Variants in STN1 observed in about 807,000 individuals in gnomAD.
STN1 encodes the protein STN1 subunit of CST complex.
In STN1, 29 loss-of-function variants were observed where a neutral mutation model predicts 45.5. The observed-to-expected ratio is 0.64, with a 90% CI of 0.47 to 0.87. STN1 has a LOEUF of 0.87. Ranked by LOEUF, STN1 falls within the 40% of genes least tolerant of loss-of-function variation. The pLI is 0.00. For synonymous variants in STN1, 148 were observed against 159.0 expected, an observed-to-expected ratio of 0.93 and a Z score of 0.52; for missense variants, 376 against 441.4, an observed-to-expected ratio of 0.85 and a Z score of 1.33.
At chr10:103,893,672 G>C (rs976360783) in intron 7 of STN1, among the ~76,000 whole-genome samples, 1 of 152,160 alleles carries the variant, frequency 6.6e-6, no homozygotes, top group Non-Finnish European at 1.5e-5. Context: ...TCCTCAAGGG[G>C]AGAGGAAAGA....
chr10:103,903,699 G>C (rs530215087), intron 4 of STN1, among the ~76,000 whole-genome samples: 85 of 152,130 alleles, frequency 5.6e-4, no homozygotes, highest in Non-Finnish European at 1.1e-3. Flanking sequence ...CTGGCCTCCA[G>C]AACTATGAGA....
intron 2 of STN1, among the ~76,000 whole-genome samples, chr10:103,915,951 G>A (rs964701605): frequency 4.6e-5 from 7 of 151,916 alleles, no homozygotes; most frequent in African/African-American, 1.5e-4. Context: ...ATGTAATGCC[G>A]CTGCTGATGT....
intron 4 of STN1, among the ~76,000 whole-genome samples, chr10:103,904,844 T>C (rs1358107947): frequency 6.6e-6 from 1 of 152,208 alleles, no homozygotes; most frequent in African/African-American, 2.4e-5. Flanking sequence ...CCCTGTAACC[T>C]ATTCACATTC....
chr10:103,892,887 C>T (rs1382653083), intron 7 of STN1, among the ~76,000 whole-genome samples: 1 of 152,148 alleles, frequency 6.6e-6, no homozygotes, highest in Non-Finnish European at 1.5e-5. Context: ...ACACGTTTGC[C>T]TGGGGAGGGT....
rs1193716191 is a variant in STN1, at chr10:103,881,155, A to G, written c.*1529T>C. Among the ~76,000 whole-genome samples, 1 of 152,014 alleles carries G rather than the reference A, an allele frequency of 6.6e-6. No individual in the cohort carries two copies. Among genetic ancestry groups the G allele is most frequent in the African/African-American group, 2.4e-5 (1 of 41,372 alleles). On this transcript the variant is annotated 3_prime_UTR_variant, in exon 10 of 10. Coordinates refer to ENST00000224950, the MANE Select transcript of STN1 (RefSeq NM_024928.5). Reference sequence around the variant, plus strand: ...CGTAATTAACTTTTTCCCTATAGGTATTTTCCCCAATATAGAATTCTAGAT... The same window carrying G: ...CGTAATTAACTTTTTCCCTATAGGTGTTTTCCCCAATATAGAATTCTAGAT...
chr10:103,888,384 C>G (rs1410263493), intron 9 of STN1, among the ~76,000 whole-genome samples: 1 of 151,650 alleles, frequency 6.6e-6, no homozygotes, highest in East Asian at 1.9e-4. Context: ...TAAGACCGGT[C>G]AGTTTACATA....
At chr10:103,885,888 T>C (rs913127798) in intron 9 of STN1, among the ~76,000 whole-genome samples, 2 of 152,216 alleles carry the variant, frequency 1.3e-5, no homozygotes, top group African/African-American at 4.8e-5. Context: ...CGGTGATAAC[T>C]GCGCCTTATA....
chr10:103,914,791 T>C (rs1477244834), intron 2 of STN1, among the ~76,000 whole-genome samples: 3 of 152,202 alleles, frequency 2.0e-5, no homozygotes, highest in Non-Finnish European at 4.4e-5. Context: ...GGAGCTGACG[T>C]TTTGCAATCA....
intron 9 of STN1, 27 bp downstream of exon 9, chr10:103,889,045 G>A: frequency 6.6e-7 from 1 of 1,509,142 alleles, no homozygotes; most frequent in Non-Finnish European, 9.2e-7. Context: ...GGGCACCAGG[G>A]CATCACTTGT....
At chr10:103,905,006 T>C (rs1297963941) in intron 4 of STN1, 85 bp downstream of exon 4, 23 of 1,157,036 alleles carry the variant, frequency 2.0e-5, no homozygotes, top group Non-Finnish European at 2.9e-5. Context: ...TGTGAAAATT[T>C]AGCCCTATAG....
In STN1 at chr10:103,879,950, T is replaced by C. The variant is rs145063598; in HGVS notation, c.*2734A>G. Among the ~76,000 whole-genome samples, 79 of 152,328 alleles carry C rather than the reference T, an allele frequency of 5.2e-4. No homozygotes were observed. The highest frequency in any genetic ancestry group is 1.8e-3 in the African/African-American group (74 of 41,576). On this transcript the variant is annotated 3_prime_UTR_variant, in exon 10 of 10. Transcript: ENST00000224950. ...TTCCAAAGGAGTGGCACAGGATTTT[T>C]TTCTCGGTCACTTTGCAAGCCAGGG...
At chr10:103,904,789 T>C (rs1843230214) in intron 4 of STN1, among the ~76,000 whole-genome samples, 1 of 152,206 alleles carries the variant, frequency 6.6e-6, no homozygotes, top group Non-Finnish European at 1.5e-5. Flanking sequence ...TAAGACACCT[T>C]GACTTATGTA....
At chr10:103,913,362 A>G (rs1843304118) in intron 2 of STN1, among the ~76,000 whole-genome samples, 1 of 152,202 alleles carries the variant, frequency 6.6e-6, no homozygotes, top group Non-Finnish European at 1.5e-5. Flanking sequence ...GTGAATTTTC[A>G]TCTCACGGAC....
intron 7 of STN1, among the ~76,000 whole-genome samples, chr10:103,895,929 T>A (rs1390137106): frequency 7.9e-5 from 12 of 152,144 alleles, no homozygotes; most frequent in Admixed American, 7.9e-4. Flanking sequence ...AAAGAATCTG[T>A]GAGACATACG....
chr10:103,912,416 T>C (rs938949040), intron 2 of STN1, among the ~76,000 whole-genome samples: 3 of 152,158 alleles, frequency 2.0e-5, no homozygotes, highest in Non-Finnish European at 4.4e-5. Context: ...CATAACACCA[T>C]TGATGAGATC....
rs1281854226 is a variant in STN1, at chr10:103,880,752, T to C, written c.*1932A>G. On this transcript the variant is annotated 3_prime_UTR_variant, in exon 10 of 10. Coordinates refer to ENST00000224950, the MANE Select transcript of STN1 (RefSeq NM_024928.5). ...GTGAGCAAGCCAGATAGAAAAGAGG[T>C]CTGGGACTGAGTCCTCAGGGAGGCA... is the stretch of plus-strand genomic sequence containing the variant. 6.6e-6 allele frequency among the ~76,000 whole-genome samples: 1 copy of C among 152,076 alleles called. No homozygotes were observed. Among genetic ancestry groups the C allele is most frequent in the East Asian group, 1.9e-4 (1 of 5,192 alleles).
At chr10:103,909,488 G>GTATATATATGTATATATATA (rs1467013284) in intron 3 of STN1, among the ~76,000 whole-genome samples, 1 of 33,222 alleles carries the variant, frequency 3.0e-5, no homozygotes, top group African/African-American at 7.3e-5. Flanking sequence ...GTATATATAT[G>GTATATATATGTATATATATA]TGTGTGTGTA....
At chr10:103,908,083 C>A (rs1459792989) in intron 3 of STN1, among the ~76,000 whole-genome samples, 1 of 150,890 alleles carries the variant, frequency 6.6e-6, no homozygotes, top group Non-Finnish European at 1.5e-5. Flanking sequence ...GAGCCAAGAT[C>A]ACACCACTGC....
intron 8 of STN1, among the ~76,000 whole-genome samples, chr10:103,890,994 A>G (rs1301447684): frequency 6.6e-6 from 1 of 152,212 alleles, no homozygotes; most frequent in East Asian, 1.9e-4. Context: ...TGAACTTTTA[A>G]CTTGAAAGAG....
Sources: gnomAD v4.1 joint callset for allele counts (sites outside exome capture counted in the v4.1 genomes callset) on GRCh38, gnomAD v4.1.1 for gene constraint, MANE v1.5 for transcripts, NCBI Gene and HGNC (gene_info 2026-07-23, HGNC 2026-07-21) for gene names.